The following ZBTB20 variants were observed in gnomAD, a reference collection of about 807,000 sequenced individuals.
ZBTB20 encodes the protein zinc finger and BTB domain-containing protein 20.
ZBTB20 carries 9 observed loss-of-function variants against 56.9 expected under a neutral mutation model. The observed-to-expected ratio is 0.16, with a 90% CI of 0.10 to 0.28. ZBTB20 has a LOEUF of 0.28. Ranked by LOEUF, ZBTB20 falls within the 10% of genes least tolerant of loss-of-function variation. The pLI, the probability that ZBTB20 is intolerant of heterozygous loss-of-function variation, is 1.00. For missense variants in ZBTB20, 655 were observed against 1,003.0 expected, an observed-to-expected ratio of 0.65 and a Z score of 4.69; for synonymous variants, 417 against 420.7, an observed-to-expected ratio of 0.99 and a Z score of 0.11.
At chr3:115,125,478 G>A (rs111487030) in intron 1 of ZBTB20, among the ~76,000 whole-genome samples, 7 of 152,116 alleles carry the variant, frequency 4.6e-5, no homozygotes, top group Non-Finnish European at 7.4e-5. Flanking sequence ...ATCCAGGCAC[G>A]GAAAGACAAA....
At chr3:114,945,193 C>A (rs1030536439) in intron 3 of ZBTB20, among the ~76,000 whole-genome samples, 2 of 145,008 alleles carry the variant, frequency 1.4e-5, no homozygotes, top group East Asian at 3.9e-4. Context: ...TGAAAGTATT[C>A]TTTTAAAAAG....
intron 6 of ZBTB20, among the ~76,000 whole-genome samples, chr3:114,552,301 T>C (rs1039245350): frequency 6.6e-6 from 1 of 152,102 alleles, no homozygotes; most frequent in South Asian, 2.1e-4. Context: ...TATTATTTTG[T>C]CTCTAGCTGA....
intron 5 of ZBTB20, among the ~76,000 whole-genome samples, chr3:114,749,163 T>C (rs1310610866): frequency 6.6e-6 from 1 of 152,212 alleles, no homozygotes; most frequent in African/African-American, 2.4e-5. Context: ...CCTATACTTA[T>C]GTACCTTTTG....
intron 7 of ZBTB20, among the ~76,000 whole-genome samples, chr3:114,419,827 C>T (rs2088969026): frequency 1.3e-5 from 2 of 152,034 alleles, no homozygotes; most frequent in African/African-American, 4.8e-5. Context: ...AGGGCAATGG[C>T]CCTTATTATG....
intron 5 of ZBTB20, among the ~76,000 whole-genome samples, chr3:114,696,634 C>G (rs2063035270): frequency 1.3e-5 from 2 of 152,002 alleles, no homozygotes; most frequent in Non-Finnish European, 1.5e-5. Flanking sequence ...ATGCCTGGTT[C>G]CCAGAGGACA....
chr3:114,955,497 C>T (rs1255178692), intron 3 of ZBTB20, among the ~76,000 whole-genome samples: 3 of 152,196 alleles, frequency 2.0e-5, no homozygotes, highest in African/African-American at 4.8e-5. Flanking sequence ...GACAACCACT[C>T]TCTAAAGACT....
chr3:114,625,814 G>A (rs751706374), intron 6 of ZBTB20, among the ~76,000 whole-genome samples: 15 of 151,946 alleles, frequency 9.9e-5, no homozygotes, highest in Non-Finnish European at 2.2e-4. Context: ...AGGGGAGAGG[G>A]AAAATAAAAT....
chr3:115,108,504 T>G (rs2083787582), intron 1 of ZBTB20, among the ~76,000 whole-genome samples: 1 of 152,206 alleles, frequency 6.6e-6, no homozygotes, highest in Admixed American at 6.5e-5. Flanking sequence ...GGCCAGATTT[T>G]TTAAAGTAAT....
intron 7 of ZBTB20, among the ~76,000 whole-genome samples, chr3:114,494,665 T>A (rs766727681): frequency 2.0e-4 from 31 of 152,202 alleles, no homozygotes; most frequent in Non-Finnish European, 4.0e-4. Flanking sequence ...ACTGAGACTA[T>A]CGGGAGGTGA....
At chr3:115,135,325 G>A (rs1207193966) in intron 1 of ZBTB20, among the ~76,000 whole-genome samples, 1 of 152,152 alleles carries the variant, frequency 6.6e-6, no homozygotes, top group Non-Finnish European at 1.5e-5. Flanking sequence ...AAAAAGCCTG[G>A]GGTGGAGTGG....
At chr3:114,899,592 G>A (rs1335783208) in intron 4 of ZBTB20, among the ~76,000 whole-genome samples, 1 of 152,114 alleles carries the variant, frequency 6.6e-6, no homozygotes, top group African/African-American at 2.4e-5. Context: ...TAAAACCAGT[G>A]AGTTTTAGAA....
chr3:114,977,394 C>T (rs1243558098), intron 2 of ZBTB20, among the ~76,000 whole-genome samples: 2 of 152,120 alleles, frequency 1.3e-5, no homozygotes, highest in Admixed American at 6.6e-5. Context: ...GAGAAAACAT[C>T]AAGCATTAGG....
intron 10 of ZBTB20, among the ~76,000 whole-genome samples, chr3:114,364,252 G>C (rs970197651): frequency 1.3e-5 from 2 of 152,138 alleles, no homozygotes; most frequent in African/African-American, 4.8e-5. Context: ...AGGAGTTTGA[G>C]ACCAGCCTAG....
chr3:114,472,349 C>G (rs1480593708), intron 7 of ZBTB20, among the ~76,000 whole-genome samples: 3 of 152,154 alleles, frequency 2.0e-5, no homozygotes, highest in Non-Finnish European at 4.4e-5. Context: ...TCTAACCTAT[C>G]AAGTTCATCT....
At chr3:115,121,453 T>C (rs901850108) in intron 1 of ZBTB20, among the ~76,000 whole-genome samples, 2 of 151,924 alleles carry the variant, frequency 1.3e-5, no homozygotes, top group African/African-American at 2.4e-5. Flanking sequence ...CTGTTATTCA[T>C]TGATACTCTA....
chr3:114,534,942 T>A (rs567085337), intron 6 of ZBTB20, among the ~76,000 whole-genome samples: 1 of 152,180 alleles, frequency 6.6e-6, no homozygotes, highest in Admixed American at 6.5e-5. Context: ...TTGAAACCAA[T>A]GAGAACAAAG....
chr3:114,707,654 G>A (rs1353710653), intron 5 of ZBTB20, among the ~76,000 whole-genome samples: 4 of 152,160 alleles, frequency 2.6e-5, no homozygotes, highest in Admixed American at 6.5e-5. Flanking sequence ...TGGAAGAAGC[G>A]GGAACTAGTA....
At chr3:114,911,596 C>T (rs1029823266) in intron 3 of ZBTB20, among the ~76,000 whole-genome samples, 1 of 151,644 alleles carries the variant, frequency 6.6e-6, no homozygotes, top group African/African-American at 2.4e-5. Context: ...AACAGATACC[C>T]TATAGCTGAA....
intron 2 of ZBTB20, among the ~76,000 whole-genome samples, chr3:115,062,700 T>C (rs780792969): frequency 1.3e-5 from 2 of 151,864 alleles, no homozygotes; most frequent in Non-Finnish European, 2.9e-5. Context: ...ACAATCTAAA[T>C]TCTGAAATGC....
Sources: allele counts gnomAD v4.1 joint callset (sites outside exome capture counted in the v4.1 genomes callset), GRCh38; gene constraint gnomAD v4.1.1; transcripts MANE v1.5; gene names NCBI Gene and HGNC (gene_info 2026-07-23, HGNC 2026-07-21).